The following DGCR2 variants were observed in gnomAD, a reference collection of about 807,000 sequenced individuals.
DGCR2 encodes the protein integral membrane protein DGCR2/IDD.
Under a neutral mutation model 51.6 loss-of-function variants are expected in DGCR2, and 24 were observed. The observed-to-expected ratio is 0.47, with a 90% CI of 0.34 to 0.65. The LOEUF (loss-of-function observed/expected upper bound fraction) is 0.65, where lower values mean the gene tolerates loss of function less well. Ranked by LOEUF, DGCR2 falls within the 30% of genes least tolerant of loss-of-function variation. The probability of loss-of-function intolerance (pLI) is 0.01; values close to 1 mark genes in which losing one functional copy is unlikely to be tolerated. For synonymous variants in DGCR2, 340 were observed against 315.4 expected (o/e 1.08, Z -0.82); for missense variants, 765 against 772.1 (o/e 0.99, Z 0.11).
intron 2 of DGCR2, among the ~76,000 whole-genome samples, chr22:19,070,886 G>T (rs1032686224): frequency 6.6e-6 from 1 of 152,252 alleles, no homozygotes. Flanking sequence ...GCAAGAAGGG[G>T]AAGGGCTTGG....
rs185052753 is a variant in DGCR2, at chr22:19,088,284, G to A, written c.202+1084C>T. On this transcript the variant is annotated intron_variant, in intron 2 of 9. Transcript: ENST00000263196. The stretch of plus-strand genomic sequence containing the variant: ...AATGGTGAGAATTACCAATGGTTCT[G>A]ATGCTATAAGAGAGGGACGAATGGG... Among the ~76,000 whole-genome samples the A allele has an allele frequency of 9.8e-4, 149 of 152,308 alleles. 1 individual carries two copies. The highest frequency in any genetic ancestry group is 3.3e-3 in the African/African-American group (138 of 41,570).
intron 2 of DGCR2, among the ~76,000 whole-genome samples, chr22:19,082,536 G>A (rs1004738676): frequency 9.3e-5 from 14 of 151,296 alleles, no homozygotes; most frequent in Admixed American, 2.0e-4. Context: ...GATCGCCTGA[G>A]ATCAGGGGTT....
intron 2 of DGCR2, among the ~76,000 whole-genome samples, chr22:19,088,435 G>T (rs1345346966): frequency 6.6e-6 from 1 of 152,154 alleles, no homozygotes; most frequent in Non-Finnish European, 1.5e-5. Context: ...AGAATTCCAG[G>T]AAAACATAAA....
chr22:19,048,518 G>A lies in DGCR2; in HGVS notation c.928C>T (p.Leu310Phe), dbSNP rs1225271935. ...GGEPEMCVAALCERPQGCQQY... is the reference protein window; with the variant it reads ...GGEPEMCVAAFCERPQGCQQY... ...TGGCAGCCCTGGGGCCTCTCACAGA[G>A]AGCAGCCACACACATCTCAGGCTCC... is the stretch of plus-strand genomic sequence containing the variant. The change falls in exon 7 of 10, where the codon CTC becomes TTC. Residue 310 changes from leucine (L) to phenylalanine (F), a missense_variant. This residue lies in a region of DGCR2 where 190 missense variants were observed against 265.2 expected (regional missense o/e 0.72). Transcript: ENST00000263196. 6.2e-7 allele frequency: 1 copy of A among 1,614,082 alleles called. No homozygotes were observed. The highest frequency in any genetic ancestry group is 8.5e-7 in the Non-Finnish European group (1 of 1,180,032).
chr22:19,073,054 G>A (rs961906822), intron 2 of DGCR2, among the ~76,000 whole-genome samples: 44 of 151,970 alleles, frequency 2.9e-4, no homozygotes, highest in African/African-American at 8.9e-4. Flanking sequence ...GCCAGGAGTT[G>A]GAGACCAGCC....
intron 2 of DGCR2, among the ~76,000 whole-genome samples, chr22:19,069,944 G>C: frequency 6.6e-6 from 1 of 152,194 alleles, no homozygotes; most frequent in East Asian, 1.9e-4. Flanking sequence ...ACCTCAAAGG[G>C]AGAAGCATCT....
intron 5 of DGCR2, among the ~76,000 whole-genome samples, chr22:19,062,756 C>T (rs566718407): frequency 3.4e-5 from 5 of 148,336 alleles, no homozygotes; most frequent in East Asian, 3.9e-4. Context: ...AAAATCTTTG[C>T]GCACACACAC....
chr22:19,076,782 G>A (rs982792383), intron 2 of DGCR2, among the ~76,000 whole-genome samples: 1 of 132,238 alleles, frequency 7.6e-6, no homozygotes, highest in African/African-American at 3.0e-5. Context: ...CCAGTCTGGA[G>A]TGCAGTGGTG....
In DGCR2 at chr22:19,122,266, TC is replaced by T; in HGVS notation, c.-61del. On this transcript the variant is annotated 5_prime_UTR_variant, in exon 1 of 10. Transcript: ENST00000263196. Reference sequence around the variant, plus strand: ...AGGCCGGACCAGGCCGGACTGAGGGTCAGGGGACCGTGCCAAGCGGAGGGTC... The same window carrying T: ...AGGCCGGACCAGGCCGGACTGAGGGTAGGGGACCGTGCCAAGCGGAGGGTC... 1 of 1,346,582 alleles carries T rather than the reference TC, an allele frequency of 7.4e-7. No individual in the cohort carries two copies. The highest frequency in any genetic ancestry group is 9.9e-7 in the Non-Finnish European group (1 of 1,010,044). The allele number at this position is 1,346,582 out of a possible 1,614,324, so 83.4% of individuals were successfully genotyped here.
In DGCR2 at chr22:19,110,970, C is replaced by A. The variant is rs2083307984; in HGVS notation, c.79+11158G>T. On this transcript the variant is annotated intron_variant, in intron 1 of 9. Transcript: ENST00000263196. The stretch of plus-strand genomic sequence containing the variant: ...TTTGTGGGTTCTAAGCATTTTAGAT[C>A]TATTTTTTCTGTTAAGTAGTATGTT... Among the ~76,000 whole-genome samples, 3 of 152,154 alleles carry A rather than the reference C, an allele frequency of 2.0e-5. No individual in the cohort carries two copies. The South Asian group carries it at 6.2e-4, about 31-fold the overall frequency.
intron 1 of DGCR2, among the ~76,000 whole-genome samples, chr22:19,106,104 A>C (rs2083259056): frequency 6.6e-6 from 1 of 152,084 alleles, no homozygotes; most frequent in Admixed American, 6.5e-5. Flanking sequence ...GACAAACAGC[A>C]GGCTTCAGCT....
chr22:19,098,952 G>C (rs1157222994), intron 1 of DGCR2, among the ~76,000 whole-genome samples: 1 of 152,048 alleles, frequency 6.6e-6, no homozygotes, highest in East Asian at 1.9e-4. Flanking sequence ...CACACATGGA[G>C]GCATGCACTA....
intron 5 of DGCR2, chr22:19,060,913 C>T: frequency 2.0e-6 from 1 of 512,146 alleles, no homozygotes; most frequent in Non-Finnish European, 3.9e-6. Context: ...GACACATGGG[C>T]ATAGTAAGCG....
chr22:19,068,115 G>T lies in DGCR2; in HGVS notation c.313C>A (p.Pro105Thr). ...TGCAACTTACTGCTGAAGCGAACGG[G>T]CTGCGCCACGTTCACCGCGTGGAAG... ...SHFHAVNVAQ[P>T]VRFSSFLGKC... Residue 105 changes from proline to threonine, a missense_variant, in exon 3 of 10, where the codon CCC (proline) becomes ACC (threonine). Physicochemically the swap from Pro to Thr is conservative, Grantham distance 38. Around this residue, in one of 3 missense-constraint regions of DGCR2, gnomAD observed 370 missense variants for 325.5 expected, o/e 1.14. Coordinates refer to ENST00000263196, the MANE Select transcript of DGCR2 (RefSeq NM_005137.3). 6.3e-7 allele frequency: 1 copy of T among 1,595,490 alleles called. No homozygotes were observed.
rs560738295 is a variant in DGCR2, at chr22:19,051,883, C to T, written c.803-3240G>A. The stretch of plus-strand genomic sequence containing the variant: ...GAAACCATAAGGAGCCACAGGTCTA[C>T]ATACATATCTGCATACCTAACAGAA... On this transcript the variant is annotated intron_variant, in intron 6 of 9. Coordinates refer to ENST00000263196, the MANE Select transcript of DGCR2 (RefSeq NM_005137.3). Among the ~76,000 whole-genome samples, 6 of 152,308 alleles carry T rather than the reference C, an allele frequency of 3.9e-5. No individual in the cohort carries two copies. The South Asian group carries it at 1.2e-3, about 32-fold the overall frequency.
chr22:19,120,528 T>C (rs1275900765), intron 1 of DGCR2, among the ~76,000 whole-genome samples: 1 of 152,162 alleles, frequency 6.6e-6, no homozygotes, highest in Non-Finnish European at 1.5e-5. Context: ...TCTCAGTTGC[T>C]GCTGGCCAGT....
intron 2 of DGCR2, among the ~76,000 whole-genome samples, chr22:19,083,505 T>C (rs368371946): frequency 1.3e-5 from 2 of 152,262 alleles, no homozygotes; most frequent in African/African-American, 2.4e-5. Context: ...AAAGATGCAC[T>C]GAATCCACAG....
intron 4 of DGCR2, among the ~76,000 whole-genome samples, chr22:19,063,617 G>A (rs926087657): frequency 6.6e-6 from 1 of 151,618 alleles, no homozygotes; most frequent in African/African-American, 2.4e-5. Flanking sequence ...CCAAAGTGCT[G>A]GGATTGTTTT....
chr22:19,040,936 CAA>C (rs2082423556), intron 9 of DGCR2, 120 bp downstream of exon 9: 2 of 936,302 alleles, frequency 2.1e-6, no homozygotes, highest in South Asian at 1.8e-5. Context: ...AAGGAAAAAC[CAA>C]AGACAAAGCC....
Sources: allele counts gnomAD v4.1 joint callset (sites outside exome capture counted in the v4.1 genomes callset), GRCh38; gene constraint gnomAD v4.1.1; regional missense constraint gnomAD v4.1.1; transcripts MANE v1.5; gene names NCBI Gene and HGNC (gene_info 2026-07-23, HGNC 2026-07-21).